Variants in SHANK2 observed in about 807,000 individuals in gnomAD.
The protein encoded by SHANK2 is SH3 and multiple ankyrin repeat domains protein 2.
Under a neutral mutation model 133.7 loss-of-function variants are expected in SHANK2, and 43 were observed. The observed-to-expected ratio is 0.32, with a 90% CI of 0.25 to 0.41. SHANK2 has a LOEUF of 0.41. Among genes scored for constraint, SHANK2 ranks in the 10% least tolerant of loss-of-function variants. SHANK2 has a pLI of 1.00. For synonymous variants in SHANK2, 1,017 were observed against 952.8 expected, an observed-to-expected ratio of 1.07 and a Z score of -1.24; for missense variants, 1,994 against 2,235.8, an observed-to-expected ratio of 0.89 and a Z score of 2.18.
intron 14 of SHANK2, among the ~76,000 whole-genome samples, chr11:70,778,938 A>G (rs575854255): frequency 2.0e-5 from 3 of 152,166 alleles, no homozygotes; most frequent in South Asian, 4.2e-4. Context: ...ACTTTTGCAG[A>G]CACCACATCC....
At chr11:70,951,593 C>T (rs199879663) in intron 10 of SHANK2, among the ~76,000 whole-genome samples, 43 of 44,284 alleles carry the variant, frequency 9.7e-4, no homozygotes, top group Admixed American at 8.7e-3. Flanking sequence ...GGCTGCTGTG[C>T]TGTGACATCA....
intron 2 of SHANK2, among the ~76,000 whole-genome samples, chr11:71,203,340 TAAG>T (rs1258414119): frequency 6.6e-6 from 1 of 152,162 alleles, no homozygotes; most frequent in Non-Finnish European, 1.5e-5. Context: ...CAATGAGATA[TAAG>T]AAGTATCTAA....
At chr11:70,775,466 GA>G (rs1947342740) in intron 14 of SHANK2, among the ~76,000 whole-genome samples, 1 of 152,142 alleles carries the variant, frequency 6.6e-6, no homozygotes, top group Non-Finnish European at 1.5e-5. Flanking sequence ...AAATGAATGA[GA>G]AAAAATTATT....
chr11:70,545,775 C>T (rs1489137157), intron 17 of SHANK2, among the ~76,000 whole-genome samples: 5 of 152,198 alleles, frequency 3.3e-5, no homozygotes, highest in Non-Finnish European at 7.3e-5. Flanking sequence ...GGCGAAGGGC[C>T]CAGTCCCACA....
chr11:70,556,505 T>C (rs2059832707), intron 17 of SHANK2, among the ~76,000 whole-genome samples: 1 of 151,760 alleles, frequency 6.6e-6, no homozygotes, highest in Non-Finnish European at 1.5e-5. Flanking sequence ...AGCCTCAAAC[T>C]CCTGGGCTCA....
intron 14 of SHANK2, among the ~76,000 whole-genome samples, chr11:70,732,677 T>C (rs1223324623): frequency 1.3e-5 from 2 of 152,186 alleles, no homozygotes; most frequent in African/African-American, 4.8e-5. Flanking sequence ...CTGCCTGCAG[T>C]GCCCCAGCCC....
chr11:71,099,392 AG>A (rs1375172841), intron 6 of SHANK2, among the ~76,000 whole-genome samples: 2 of 152,222 alleles, frequency 1.3e-5, no homozygotes, highest in Non-Finnish European at 2.9e-5. Flanking sequence ...GATGCTGATA[AG>A]GGGGGAAGCT....
intron 17 of SHANK2, among the ~76,000 whole-genome samples, chr11:70,534,089 GA>G (rs2059513533): frequency 6.6e-6 from 1 of 152,216 alleles, no homozygotes; most frequent in Admixed American, 6.5e-5. Context: ...CGCTGCCCTA[GA>G]GGGGCAGTGT....
intron 1 of SHANK2, among the ~76,000 whole-genome samples, chr11:71,238,035 C>T (rs930604157): frequency 2.1e-4 from 32 of 152,336 alleles, no homozygotes; most frequent in African/African-American, 7.7e-4. Context: ...TACATGCACA[C>T]ACGGACTGAG....
intron 14 of SHANK2, among the ~76,000 whole-genome samples, chr11:70,722,255 C>T (rs529142501): frequency 1.3e-5 from 2 of 152,344 alleles, no homozygotes; most frequent in Non-Finnish European, 2.9e-5. Flanking sequence ...TGATGGGAGG[C>T]ATTTGTGCAA....
chr11:70,496,701 C>T (rs1246201800), intron 21 of SHANK2, among the ~76,000 whole-genome samples: 7 of 152,212 alleles, frequency 4.6e-5, no homozygotes, highest in African/African-American at 9.6e-5. Context: ...TGGGACCAGG[C>T]GGGAGCTGGG....
At chr11:71,139,466 A>C (rs1952511143) in intron 3 of SHANK2, among the ~76,000 whole-genome samples, 1 of 152,168 alleles carries the variant, frequency 6.6e-6, no homozygotes, top group Non-Finnish European at 1.5e-5. Context: ...ACTAACCTGC[A>C]CATTGTGCAC....
rs1036290504 is a variant in SHANK2, at chr11:70,485,591, C to G, written c.4702G>C (p.Val1568Leu). 2 of 1,613,754 alleles carry G rather than the reference C, an allele frequency of 1.2e-6. No homozygotes were observed. The highest frequency in any genetic ancestry group is 1.3e-5 in the African/African-American group (1 of 74,910). Residue 1568 changes from valine (V) to leucine (L), a missense_variant, in exon 25 of 26, where the codon GTG (valine) becomes CTG (leucine). This residue lies in a region of SHANK2 where 797 missense variants were observed against 907.4 expected (regional missense o/e 0.88). Transcript: ENST00000601538. The surrounding 1 kb of genome is among the most constrained non-coding windows in gnomAD (Gnocchi z 5.8). ...KSNALYQDAL[V>L]EEDVDSFVIP... Reference sequence around the variant, plus strand: ...ACAAAGCTATCTACATCTTCTTCCACGAGCGCGTCTTGATAAAGTGCATTG... The same window carrying G: ...ACAAAGCTATCTACATCTTCTTCCAGGAGCGCGTCTTGATAAAGTGCATTG...
intron 11 of SHANK2, among the ~76,000 whole-genome samples, chr11:70,883,759 G>T (rs111266150): frequency 1.7e-4 from 26 of 152,328 alleles, no homozygotes; most frequent in Middle Eastern, 3.4e-3. Flanking sequence ...ACAAGACCCG[G>T]CCTCCACCTG....
At chr11:71,218,257 T>C (rs1954457366) in intron 2 of SHANK2, among the ~76,000 whole-genome samples, 1 of 124,660 alleles carries the variant, frequency 8.0e-6, no homozygotes, top group Non-Finnish European at 1.6e-5. Flanking sequence ...CTAATTTTCT[T>C]TTTCTTTTTT....
intron 11 of SHANK2, among the ~76,000 whole-genome samples, chr11:70,863,118 C>T (rs576766033): frequency 3.3e-5 from 5 of 152,214 alleles, no homozygotes; most frequent in East Asian, 1.9e-4. Flanking sequence ...CTAGAGAAAC[C>T]GTGAACACTG....
intron 14 of SHANK2, among the ~76,000 whole-genome samples, chr11:70,791,120 C>T (rs1555047909): frequency 6.6e-6 from 1 of 152,222 alleles, no homozygotes; most frequent in Non-Finnish European, 1.5e-5. Flanking sequence ...TAGCAGCTGA[C>T]ATTGAGCTAC....
intron 1 of SHANK2, among the ~76,000 whole-genome samples, chr11:71,228,025 GA>G (rs1186942337): frequency 4.7e-5 from 7 of 149,308 alleles, no homozygotes; most frequent in African/African-American, 1.5e-4. Flanking sequence ...GACTGACCAA[GA>G]AAAAAAAACA....
chr11:71,217,889 C>T (rs1041187461), intron 2 of SHANK2, among the ~76,000 whole-genome samples: 6 of 152,272 alleles, frequency 3.9e-5, no homozygotes, highest in East Asian at 1.9e-4. Context: ...CTCGCTCTGT[C>T]GCCCAGGCTG....
Sources: allele counts gnomAD v4.1 joint callset (sites outside exome capture counted in the v4.1 genomes callset), GRCh38; gene constraint gnomAD v4.1.1; regional missense constraint gnomAD v4.1.1; non-coding constraint Gnocchi (gnomAD v3.1); transcripts MANE v1.5; gene names NCBI Gene and HGNC (gene_info 2026-07-23, HGNC 2026-07-21).